Variants in MYO9A observed in about 807,000 individuals in gnomAD.
MYO9A encodes the protein myosin IXA.
In MYO9A, 103 loss-of-function variants were observed where a neutral mutation model predicts 293.3. The ratio of observed to expected loss-of-function variants is 0.35; its 90% CI spans 0.30 to 0.41. The LOEUF (loss-of-function observed/expected upper bound fraction) is 0.41, where lower values mean the gene tolerates loss of function less well. MYO9A is among the 10% of genes least tolerant of loss of function. The pLI, the probability that MYO9A is intolerant of heterozygous loss-of-function variation, is 1.00. For synonymous variants in MYO9A, 1,001 were observed against 1,035.7 expected, an observed-to-expected ratio of 0.97 and a Z score of 0.64; for missense variants, 2,685 against 3,033.0, an observed-to-expected ratio of 0.89 and a Z score of 2.69.
chr15:72,004,379 G>T (rs2076957178), intron 8 of MYO9A, among the ~76,000 whole-genome samples: 1 of 152,144 alleles, frequency 6.6e-6, no homozygotes, highest in African/African-American at 2.4e-5. Flanking sequence ...CAAACATGGT[G>T]AAACCCCATC....
chr15:72,099,433 A>C (rs200475192), intron 1 of MYO9A, among the ~76,000 whole-genome samples: 2,009 of 149,942 alleles, frequency 0.013, 35 homozygotes, highest in East Asian at 0.024. Context: ...AAAAAAAAAA[A>C]AAAAAAAAAG....
rs771516157 is a variant in MYO9A, at chr15:71,859,725, A to C, written c.6153+10T>G. 2 of 1,606,298 alleles carry C rather than the reference A, an allele frequency of 1.2e-6. No individual in the cohort carries two copies. The highest frequency in any genetic ancestry group is 1.7e-5 in the Admixed American group (1 of 59,972). On this transcript the variant is annotated intron_variant, in intron 34 of 41. Coordinates refer to ENST00000356056, the MANE Select transcript of MYO9A (RefSeq NM_006901.4). ...CTGTTATCTATTACTGATAGGTGATAATTTCTTACCTTTTTAGAGCACTTG... is the reference window on the plus strand; with the variant it reads ...CTGTTATCTATTACTGATAGGTGATCATTTCTTACCTTTTTAGAGCACTTG...
At chr15:71,872,309 T>C (rs888116315) in intron 32 of MYO9A, among the ~76,000 whole-genome samples, 4 of 152,194 alleles carry the variant, frequency 2.6e-5, no homozygotes, top group African/African-American at 9.6e-5. Context: ...CCTTGCTCTA[T>C]GGTATCTCAA....
intron 2 of MYO9A, among the ~76,000 whole-genome samples, chr15:72,043,512 GGAAT>G (rs2078288801): frequency 6.6e-6 from 1 of 151,998 alleles, no homozygotes; most frequent in Admixed American, 6.6e-5. Context: ...GCAACAAAAA[GGAAT>G]GTATTATCGA....
Position 71,879,816 on chromosome 15 carries a change from C to A in MYO9A, c.5644G>T (p.Asp1882Tyr). The stretch of plus-strand genomic sequence containing the variant: ...TCCACTAGTGTATCCTTCTTGCTGT[C>A]TTCATTATCTAGGTCATTCACCTGG... ...LKKVNDLDNE[D>Y]SKKDTLVDVV... The change falls in exon 30 of 42, where the codon GAC becomes TAC. Residue 1882 changes from aspartate to tyrosine, a missense_variant. Coordinates refer to ENST00000356056, the MANE Select transcript of MYO9A (RefSeq NM_006901.4). 6.2e-7 allele frequency: 1 copy of A among 1,612,338 alleles called. No homozygotes were observed. Among genetic ancestry groups the A allele is most frequent in the South Asian group, 1.1e-5 (1 of 90,908 alleles).
At chr15:71,897,419 CAAG>C (rs2057360702) in intron 25 of MYO9A, 39 bp downstream of exon 25, 1 of 1,531,834 alleles carries the variant, frequency 6.5e-7, no homozygotes, top group African/African-American at 1.4e-5. Context: ...AAAAATACTC[CAAG>C]AAGTTTCCCA....
chr15:72,101,096 G>A (rs1340001623), intron 1 of MYO9A, among the ~76,000 whole-genome samples: 6 of 140,550 alleles, frequency 4.3e-5, no homozygotes, highest in Non-Finnish European at 7.8e-5. Context: ...CAGGCCAGCC[G>A]CCCCGTCCGG....
intron 39 of MYO9A, among the ~76,000 whole-genome samples, chr15:71,840,409 C>A (rs534323620): frequency 1.6e-4 from 24 of 152,304 alleles, no homozygotes; most frequent in African/African-American, 5.8e-4. Flanking sequence ...ATGCTATACT[C>A]CCAGTCCCAT....
chr15:71,890,567 G>C (rs1312357650), intron 26 of MYO9A: 1 of 152,152 alleles, frequency 6.6e-6, no homozygotes, highest in African/African-American at 2.4e-5. Flanking sequence ...TGCCAATGTG[G>C]TGTGTATAAA....
chr15:71,852,433 A>C lies in MYO9A; in HGVS notation c.6347-173T>G, dbSNP rs576788062. ...GGCTGGAGTGCAATGGTGTGATCTCAGCTCACCACAACCTCTGCCTCCCGA... is the reference window on the plus strand; with the variant it reads ...GGCTGGAGTGCAATGGTGTGATCTCCGCTCACCACAACCTCTGCCTCCCGA... On this transcript the variant is annotated intron_variant, in intron 35 of 41. Coordinates refer to ENST00000356056, the MANE Select transcript of MYO9A (RefSeq NM_006901.4). 46 of 470,772 alleles carry C rather than the reference A, an allele frequency of 9.8e-5. 1 individual carries two copies. The South Asian group carries it at 1.5e-3, about 16-fold the overall frequency. 29.2% of individuals were successfully genotyped at this position (470,772 alleles called of 1,614,324 possible). A position where few individuals can be genotyped will look rare whatever the true frequency, so the allele number is the denominator to read the frequency against.
At chr15:71,995,010 G>A (rs1471745900) in intron 9 of MYO9A, among the ~76,000 whole-genome samples, 2 of 152,198 alleles carry the variant, frequency 1.3e-5, no homozygotes, top group South Asian at 2.1e-4. Flanking sequence ...GGGATTACAG[G>A]CGTGAGCCAC....
intron 39 of MYO9A, among the ~76,000 whole-genome samples, chr15:71,832,801 G>T (rs561926724): frequency 1.3e-5 from 2 of 152,236 alleles, no homozygotes; most frequent in South Asian, 4.1e-4. Context: ...ACATAATAGC[G>T]ATGTGTTGAA....
intron 1 of MYO9A, among the ~76,000 whole-genome samples, chr15:72,076,304 CAA>C (rs34369419): frequency 1.5e-4 from 12 of 81,620 alleles, no homozygotes; most frequent in Non-Finnish European, 1.7e-4. Context: ...GACTCTGTCT[CAA>C]AAAAAAAAAA....
At chr15:71,946,443 T>C (rs535639227) in intron 15 of MYO9A, among the ~76,000 whole-genome samples, 9 of 152,234 alleles carry the variant, frequency 5.9e-5, no homozygotes, top group Non-Finnish European at 1.2e-4. Flanking sequence ...ATTTTTCCAT[T>C]TCACGTAAGT....
chr15:71,920,308 T>A (rs1179556325), intron 18 of MYO9A, among the ~76,000 whole-genome samples: 5 of 152,182 alleles, frequency 3.3e-5, no homozygotes, highest in Non-Finnish European at 1.5e-5. Flanking sequence ...AGTCTAACTG[T>A]TTTGAGTCTC....
At chr15:72,028,218 A>ATAT (rs1555408278) in intron 3 of MYO9A, among the ~76,000 whole-genome samples, 77 of 134,238 alleles carry the variant, frequency 5.7e-4, no homozygotes, top group Middle Eastern at 3.8e-3. Context: ...TAAATAAATA[A>ATAT]ATATATATAT....
chr15:72,088,810 A>T (rs1212688536), intron 1 of MYO9A, among the ~76,000 whole-genome samples: 2 of 152,314 alleles, frequency 1.3e-5, no homozygotes, highest in Non-Finnish European at 2.9e-5. Flanking sequence ...TCCAGAACTT[A>T]AAAAAACTGC....
At chr15:71,947,448 CTTT>C (rs1402595642) in intron 15 of MYO9A, among the ~76,000 whole-genome samples, 5 of 151,898 alleles carry the variant, frequency 3.3e-5, no homozygotes, top group Non-Finnish European at 5.9e-5. Context: ...CTAAGTACTT[CTTT>C]ATTTATATTC....
chr15:71,932,685 A>G (rs2058511350), intron 18 of MYO9A, among the ~76,000 whole-genome samples: 1 of 152,054 alleles, frequency 6.6e-6, no homozygotes, highest in African/African-American at 2.4e-5. Flanking sequence ...AGGGGGCTGT[A>G]GTCCCTGGAA....
Sources: gnomAD v4.1 joint callset for allele counts (sites outside exome capture counted in the v4.1 genomes callset) on GRCh38, gnomAD v4.1.1 for gene constraint, MANE v1.5 for transcripts, NCBI Gene and HGNC (gene_info 2026-07-23, HGNC 2026-07-21) for gene names.